The following GJA1 variants were observed in gnomAD, a reference collection of about 807,000 sequenced individuals.
GJA1 encodes gap junction protein alpha 1.
GJA1 carries 9 observed loss-of-function variants against 31.0 expected under a neutral mutation model. That is an observed-to-expected ratio of 0.29 (90% CI 0.17 to 0.51). The LOEUF (loss-of-function observed/expected upper bound fraction) is 0.51, where lower values mean the gene tolerates loss of function less well. GJA1 is among the 20% of genes least tolerant of loss of function. The probability of loss-of-function intolerance (pLI) is 0.98; values close to 1 mark genes in which losing one functional copy is unlikely to be tolerated. For synonymous variants in GJA1, 186 were observed against 180.1 expected (o/e 1.03, Z -0.26); for missense variants, 278 against 468.8 (o/e 0.59, Z 3.76).
At position 121,446,886 on chromosome 6, in the gene GJA1, G is replaced by A; in HGVS notation, c.39G>A (p.Lys13=). 1 of 1,614,024 alleles carries A rather than the reference G, an allele frequency of 6.2e-7. No homozygotes were observed. The change falls in exon 2 of 2, where the codon AAG becomes AAA. Residue 13 remains lysine (K), a synonymous_variant. Transcript: ENST00000282561. ...GCGCCTTAGGCAAACTCCTTGACAA[G>A]GTTCAAGCCTACTCAACTGCTGGAG... ...DWSALGKLLD[K]VQAYSTAGGK...
At chr6:121,440,468 T>C (rs1312398965) in intron 1 of GJA1, among the ~76,000 whole-genome samples, 1 of 152,152 alleles carries the variant, frequency 6.6e-6, no homozygotes, top group Non-Finnish European at 1.5e-5. Flanking sequence ...TGAAGCATGT[T>C]GTTTCAACAA....
intron 1 of GJA1, among the ~76,000 whole-genome samples, chr6:121,440,930 G>C (rs943863756): frequency 1.4e-5 from 2 of 142,658 alleles, no homozygotes; most frequent in Non-Finnish European, 3.1e-5. Context: ...TGTTGTTGTT[G>C]TTGTTGTTGT....
intron 1 of GJA1, among the ~76,000 whole-genome samples, chr6:121,437,605 T>C (rs1677040313): frequency 6.6e-6 from 1 of 152,030 alleles, no homozygotes; most frequent in South Asian, 2.1e-4. Flanking sequence ...CTCACGGTCG[T>C]AGCAGCGCTG....
At chr6:121,436,034 A>G (rs1773655672) in intron 1 of GJA1, among the ~76,000 whole-genome samples, 1 of 152,136 alleles carries the variant, frequency 6.6e-6, no homozygotes, top group Non-Finnish European at 1.5e-5. Flanking sequence ...AAAAGTTTCT[A>G]TTAACATTGC....
At chr6:121,437,739 G>A (rs559999546) in intron 1 of GJA1, among the ~76,000 whole-genome samples, 2 of 152,254 alleles carry the variant, frequency 1.3e-5, no homozygotes, top group Non-Finnish European at 2.9e-5. Flanking sequence ...CAAAGTAGGG[G>A]TGGGAAGGGG....
intron 1 of GJA1, among the ~76,000 whole-genome samples, chr6:121,436,281 C>G (rs188113805): frequency 3.5e-4 from 52 of 150,004 alleles, no homozygotes; most frequent in Admixed American, 7.4e-4. Flanking sequence ...CTATAGTATT[C>G]TACACTTCAT....
Position 121,447,936 on chromosome 6 carries a change from T to C in GJA1, c.1089T>C (p.Pro363=), listed in dbSNP as rs1262003721. 1.2e-6 allele frequency: 2 copies of C among 1,613,734 alleles called. No individual in the cohort carries two copies. Among genetic ancestry groups the C allele is most frequent in the Non-Finnish European group, 1.7e-6 (2 of 1,179,856 alleles). ...LQPLAIVDQR[P]SSRASSRASS... ...CACTAGCCATTGTGGACCAGCGACC[T>C]TCAAGCAGAGCCAGCAGTCGTGCCA... The change falls in exon 2 of 2, where the codon CCT becomes CCC. Residue 363 remains proline, a synonymous_variant. Transcript: ENST00000282561.
intron 1 of GJA1, among the ~76,000 whole-genome samples, chr6:121,441,514 TA>T (rs1184681312): frequency 1.3e-5 from 2 of 152,168 alleles, no homozygotes; most frequent in Non-Finnish European, 2.9e-5. Context: ...GGCAAATATT[TA>T]CTATATCAAG....
At chr6:121,438,487 T>A (rs1394517509) in intron 1 of GJA1, among the ~76,000 whole-genome samples, 1 of 152,096 alleles carries the variant, frequency 6.6e-6, no homozygotes, top group Admixed American at 6.6e-5. Context: ...AAACACGGGG[T>A]GCATTCTTTC....
rs149035451 is a variant in GJA1 at position 121,441,549 on chromosome 6, A to T, written c.-16-5283A>T. Among the ~76,000 whole-genome samples, 7 of 152,302 alleles carry T rather than the reference A, an allele frequency of 4.6e-5. No individual in the cohort carries two copies. The East Asian group carries it at 1.2e-3, about 25-fold the overall frequency. On this transcript the variant is annotated intron_variant, in intron 1 of 1. Transcript: ENST00000282561. ...AGTAGAGAGAAAGTCTATTAAAATA[A>T]TAATTTTTTAAAAACCAGGGCAAAG... is the stretch of plus-strand genomic sequence containing the variant.
intron 1 of GJA1, among the ~76,000 whole-genome samples, chr6:121,441,450 G>A (rs988229558): frequency 1.3e-5 from 2 of 152,110 alleles, no homozygotes; most frequent in Admixed American, 1.3e-4. Flanking sequence ...TCACATTCCA[G>A]TTAAGGAAGA....
intron 1 of GJA1, among the ~76,000 whole-genome samples, chr6:121,439,584 A>G (rs1773729489): frequency 6.6e-6 from 1 of 152,116 alleles, no homozygotes; most frequent in East Asian, 1.9e-4. Context: ...GTTTTGGGGG[A>G]GAATTGAGTA....
chr6:121,440,784 C>T (rs968863964), intron 1 of GJA1, among the ~76,000 whole-genome samples: 2 of 152,176 alleles, frequency 1.3e-5, no homozygotes, highest in Non-Finnish European at 2.9e-5. Context: ...CTCTATCACC[C>T]GGGTTGGAGT....
At chr6:121,436,576 TAGG>T (rs1773666154) in intron 1 of GJA1, among the ~76,000 whole-genome samples, 1 of 152,234 alleles carries the variant, frequency 6.6e-6, no homozygotes, top group Non-Finnish European at 1.5e-5. Flanking sequence ...GTTGGCAGTT[TAGG>T]AGATGAAATC....
intron 1 of GJA1, among the ~76,000 whole-genome samples, chr6:121,437,836 A>G (rs1424947299): frequency 2.0e-5 from 3 of 152,216 alleles, no homozygotes; most frequent in African/African-American, 4.8e-5. Flanking sequence ...GTTAGTAACG[A>G]CAAGAAAGAT....
intron 1 of GJA1, among the ~76,000 whole-genome samples, chr6:121,437,384 T>G (rs1773688441): frequency 6.6e-6 from 1 of 151,192 alleles, no homozygotes; most frequent in African/African-American, 2.4e-5. Flanking sequence ...TTTTTCCTCT[T>G]AAACTTGCTG....
At chr6:121,444,539 C>T (rs1773852306) in intron 1 of GJA1, among the ~76,000 whole-genome samples, 1 of 152,152 alleles carries the variant, frequency 6.6e-6, no homozygotes, top group Non-Finnish European at 1.5e-5. Context: ...CCAGAAGATG[C>T]AGTCATTAGA....
chr6:121,441,510 T>C (rs1425713000), intron 1 of GJA1, among the ~76,000 whole-genome samples: 1 of 152,074 alleles, frequency 6.6e-6, no homozygotes, highest in Non-Finnish European at 1.5e-5. Context: ...ATCAGGCAAA[T>C]ATTTACTATA....
intron 1 of GJA1, among the ~76,000 whole-genome samples, chr6:121,440,163 G>C (rs931691335): frequency 6.6e-6 from 1 of 151,750 alleles, no homozygotes; most frequent in Non-Finnish European, 1.5e-5. Context: ...ATCGGAGTTA[G>C]AACATCGTAG....
Sources: allele counts gnomAD v4.1 joint callset (sites outside exome capture counted in the v4.1 genomes callset), GRCh38; gene constraint gnomAD v4.1.1; transcripts MANE v1.5; gene names NCBI Gene and HGNC (gene_info 2026-07-23, HGNC 2026-07-21).